The following ADAMTSL3 variants were observed in gnomAD, a reference collection of about 807,000 sequenced individuals.
The protein encoded by ADAMTSL3 is ADAMTS like 3.
ADAMTSL3 carries 128 observed loss-of-function variants against 201.7 expected under a neutral mutation model. The observed-to-expected ratio is 0.63, with a 90% CI of 0.55 to 0.73. ADAMTSL3 has a LOEUF of 0.73. ADAMTSL3 is among the 30% of genes least tolerant of loss of function. ADAMTSL3 has a pLI of 0.00. For synonymous variants in ADAMTSL3, 738 were observed against 748.4 expected, an observed-to-expected ratio of 0.99 and a Z score of 0.23; for missense variants, 1,990 against 2,119.6, an observed-to-expected ratio of 0.94 and a Z score of 1.20.
chr15:84,033,388 T>C (rs1303092181), intron 28 of ADAMTSL3, among the ~76,000 whole-genome samples: 3 of 152,222 alleles, frequency 2.0e-5, no homozygotes, highest in Non-Finnish European at 4.4e-5. Flanking sequence ...TGGCTGGGCA[T>C]GGTGGCTCAC....
At chr15:83,937,916 G>T (rs1326887102) in intron 17 of ADAMTSL3, among the ~76,000 whole-genome samples, 7 of 150,760 alleles carry the variant, frequency 4.6e-5, no homozygotes, top group Non-Finnish European at 8.8e-5. Flanking sequence ...AAAATAATAG[G>T]CTGGATAACT....
At chr15:83,843,753 T>C (rs749275143) in intron 7 of ADAMTSL3, among the ~76,000 whole-genome samples, 106 of 152,238 alleles carry the variant, frequency 7.0e-4, no homozygotes, top group African/African-American at 5.3e-4. Flanking sequence ...CTGGAGAATG[T>C]GCACAAGGCT....
chr15:83,923,826 G>T, intron 16 of ADAMTSL3, 78 bp from the exon 17 acceptor site: 2 of 1,534,368 alleles, frequency 1.3e-6, no homozygotes, highest in South Asian at 1.2e-5. Flanking sequence ...AGAATGAGAA[G>T]ACCTAAGACT....
intron 2 of ADAMTSL3, among the ~76,000 whole-genome samples, chr15:83,664,007 C>T (rs1364140542): frequency 1.3e-5 from 2 of 152,204 alleles, no homozygotes; most frequent in African/African-American, 2.4e-5. Flanking sequence ...GCCCTCCCGT[C>T]TGTCCCTCCA....
chr15:84,010,188 T>A (rs180882880), intron 23 of ADAMTSL3, among the ~76,000 whole-genome samples: 224 of 152,356 alleles, frequency 1.5e-3, no homozygotes, highest in Non-Finnish European at 2.3e-3. Flanking sequence ...ACATAACAAT[T>A]GTGTATATGT....
At chr15:84,035,971 C>G (rs1223262457) in intron 28 of ADAMTSL3, among the ~76,000 whole-genome samples, 1 of 152,166 alleles carries the variant, frequency 6.6e-6, no homozygotes, top group African/African-American at 2.4e-5. Flanking sequence ...ATGCCTGGTT[C>G]TAGCAACCTC....
chr15:83,693,971 T>A (rs1314297332), intron 2 of ADAMTSL3, among the ~76,000 whole-genome samples: 1 of 152,226 alleles, frequency 6.6e-6, no homozygotes. Context: ...TGTACTTAAT[T>A]TAAAAGACAA....
chr15:83,675,187 A>T (rs955821728), intron 2 of ADAMTSL3, among the ~76,000 whole-genome samples: 1 of 152,062 alleles, frequency 6.6e-6, no homozygotes, highest in Non-Finnish European at 1.5e-5. Context: ...GGGATATAAG[A>T]CCTAAAATTA....
At chr15:83,810,400 T>G (rs1258479377) in intron 5 of ADAMTSL3, among the ~76,000 whole-genome samples, 1 of 152,234 alleles carries the variant, frequency 6.6e-6, no homozygotes, top group Non-Finnish European at 1.5e-5. Flanking sequence ...AGCCTTCCTT[T>G]TAAACAAGCA....
chr15:84,037,020 C>A (rs745388802), intron 29 of ADAMTSL3, 33 bp downstream of exon 29: 3 of 1,603,700 alleles, frequency 1.9e-6, no homozygotes, highest in East Asian at 2.2e-5. Context: ...TCCACTGCCC[C>A]AGAGGCCTTG....
At chr15:83,950,359 G>A (rs1234721553) in intron 19 of ADAMTSL3, among the ~76,000 whole-genome samples, 1 of 151,982 alleles carries the variant, frequency 6.6e-6, no homozygotes, top group Non-Finnish European at 1.5e-5. Context: ...TGTTCCATTG[G>A]TCTATGTGTC....
At chr15:84,024,413 T>A (rs998708747) in intron 26 of ADAMTSL3, among the ~76,000 whole-genome samples, 2 of 152,254 alleles carry the variant, frequency 1.3e-5, no homozygotes, top group Non-Finnish European at 2.9e-5. Context: ...TATCTATGAT[T>A]TCTATTGGTA....
chr15:83,713,102 A>G (rs535325036), intron 3 of ADAMTSL3, among the ~76,000 whole-genome samples: 14 of 152,074 alleles, frequency 9.2e-5, no homozygotes, highest in East Asian at 7.8e-4. Context: ...CTCACCTTCT[A>G]TGCATGATTT....
At chr15:83,879,961 C>T (rs2065241314) in intron 9 of ADAMTSL3, among the ~76,000 whole-genome samples, 2 of 152,154 alleles carry the variant, frequency 1.3e-5, no homozygotes, top group Non-Finnish European at 2.9e-5. Flanking sequence ...GAGGATATCT[C>T]CCCATTGTCT....
intron 7 of ADAMTSL3, among the ~76,000 whole-genome samples, chr15:83,838,443 C>A (rs2064318487): frequency 6.6e-6 from 1 of 152,104 alleles, no homozygotes; most frequent in African/African-American, 2.4e-5. Context: ...CAGGGTATTA[C>A]TGTTTTAAAA....
Position 84,009,436 on chromosome 15 carries a change from G to T in ADAMTSL3, c.3974-5106G>T, listed in dbSNP as rs1450898692. On this transcript the variant is annotated intron_variant, in intron 23 of 29. Coordinates refer to ENST00000286744, the MANE Select transcript of ADAMTSL3 (RefSeq NM_207517.3). ...AAAACCAATTATAATAAAAATATAG[G>T]TATCAAAATATTAATAAACCAAATG... Among the ~76,000 whole-genome samples, 5 of 152,148 alleles carry T rather than the reference G, an allele frequency of 3.3e-5. No homozygotes were observed. The Middle Eastern group carries it at 0.017, about 518-fold the overall frequency.
At chr15:83,884,403 T>C (rs1216194050) in intron 9 of ADAMTSL3, among the ~76,000 whole-genome samples, 3 of 146,980 alleles carry the variant, frequency 2.0e-5, no homozygotes, top group Non-Finnish European at 4.5e-5. Context: ...GCCTCCTGAG[T>C]AGCTGGGACT....
chr15:83,805,226 A>G (rs1207380586), intron 5 of ADAMTSL3, among the ~76,000 whole-genome samples: 5 of 152,366 alleles, frequency 3.3e-5, no homozygotes, highest in Non-Finnish European at 7.3e-5. Context: ...TACATCAGTC[A>G]ACACTAAAAA....
chr15:83,859,501 A>C (rs1008891818), intron 8 of ADAMTSL3, among the ~76,000 whole-genome samples: 1 of 152,164 alleles, frequency 6.6e-6, no homozygotes, highest in African/African-American at 2.4e-5. Context: ...CATATGTTAA[A>C]ATGTTATCTT....
Sources: gnomAD v4.1 joint callset for allele counts (sites outside exome capture counted in the v4.1 genomes callset) on GRCh38, gnomAD v4.1.1 for gene constraint, MANE v1.5 for transcripts, NCBI Gene and HGNC (gene_info 2026-07-23, HGNC 2026-07-21) for gene names.